Variants in VRK2 observed in about 807,000 individuals in gnomAD.
VRK2 encodes the protein serine/threonine-protein kinase VRK2.
A neutral mutation model predicts 57.6 loss-of-function variants in VRK2; 60 were observed. The observed-to-expected ratio is 1.04, with a 90% CI of 0.85 to 1.29. The LOEUF (loss-of-function observed/expected upper bound fraction) is 1.29, where lower values mean the gene tolerates loss of function less well. Ranked by LOEUF, VRK2 falls within the 50% of genes most tolerant of loss-of-function variation. VRK2 has a pLI of 0.00. For synonymous variants in VRK2, 231 were observed against 199.2 expected (o/e 1.16, Z -1.35); for missense variants, 705 against 588.1 (o/e 1.20, Z -2.06).
At chr2:57,982,706 C>T (rs2104054707) in intron 1 of VRK2, among the ~76,000 whole-genome samples, 1 of 152,272 alleles carries the variant, frequency 6.6e-6, no homozygotes, top group South Asian at 2.1e-4. Flanking sequence ...GAATAGAGGA[C>T]ACTCAGATCA....
At chr2:58,007,180 A>T (rs1673273569) in intron 1 of VRK2, among the ~76,000 whole-genome samples, 1 of 151,618 alleles carries the variant, frequency 6.6e-6, no homozygotes, top group African/African-American at 2.4e-5. Flanking sequence ...CTCCAAAATT[A>T]AATGAACCCA....
intron 1 of VRK2, among the ~76,000 whole-genome samples, chr2:57,943,328 G>C (rs1388969635): frequency 6.6e-6 from 1 of 152,168 alleles, no homozygotes; most frequent in Non-Finnish European, 1.5e-5. Context: ...ATGGCAAATA[G>C]CATACTATAT....
intron 1 of VRK2, among the ~76,000 whole-genome samples, chr2:58,001,247 TA>T (rs1210692437): frequency 6.6e-6 from 1 of 152,236 alleles, no homozygotes. Flanking sequence ...AAAGTGTACC[TA>T]ATCATTCCTC....
chr2:57,979,191 T>C (rs958270042), intron 1 of VRK2, among the ~76,000 whole-genome samples: 12 of 151,102 alleles, frequency 7.9e-5, no homozygotes, highest in Admixed American at 6.6e-4. Context: ...AGTAATGGGA[T>C]TGCTGGGTCA....
At chr2:58,137,156 T>TCA (rs1680376882) in intron 10 of VRK2, among the ~76,000 whole-genome samples, 2 of 24,444 alleles carry the variant, frequency 8.2e-5, no homozygotes, top group African/African-American at 2.5e-4. Context: ...TATCATGTGT[T>TCA]TATATATATC....
intron 10 of VRK2, among the ~76,000 whole-genome samples, chr2:58,137,241 T>G (rs942382879): frequency 7.7e-6 from 1 of 129,680 alleles, no homozygotes; most frequent in Non-Finnish European, 1.6e-5. Context: ...TACATATATA[T>G]CATATATATG....
At position 58,041,042 on chromosome 2, in the gene VRK2, T is replaced by G. The variant is rs916697804; in HGVS notation, c.-6+7489T>G. 6 of 985,160 alleles carry G rather than the reference T, an allele frequency of 6.1e-6. No individual in the cohort carries two copies. In the African/African-American group the frequency reaches 1.0e-4, roughly 17 times the overall value. 61.0% of individuals were successfully genotyped at this position (985,160 alleles called of 1,614,324 possible). ...CCTCTTCTCCTCCTTATCCAGCTCA[T>G]GTTTTTGGTTACTGCAGGGATGTTA... On this transcript the variant is annotated intron_variant, in intron 3 of 15. Transcript: ENST00000417641.
At chr2:57,921,943 C>A (rs990910307) in intron 1 of VRK2, among the ~76,000 whole-genome samples, 1 of 152,104 alleles carries the variant, frequency 6.6e-6, no homozygotes. Flanking sequence ...ATTACTTATA[C>A]AATCCAAATC....
chr2:58,066,051 A>G lies in VRK2; in HGVS notation c.136+17084A>G, dbSNP rs115155457. 4.4e-3 allele frequency among the ~76,000 whole-genome samples: 666 copies of G among 152,296 alleles called. 8 individuals are homozygous for G. The highest frequency in any genetic ancestry group is 0.015 in the African/African-American group (635 of 41,572). Reference sequence around the variant, plus strand: ...GAATTTCCACGTACACAATCACATCATCTGGAGATAGGGACACCTTCCTTT... The same window carrying G: ...GAATTTCCACGTACACAATCACATCGTCTGGAGATAGGGACACCTTCCTTT... On this transcript the variant is annotated intron_variant, in intron 2 of 12. Coordinates refer to ENST00000340157, the MANE Select transcript of VRK2 (RefSeq NM_006296.7).
rs548380984 is a variant in VRK2 at position 57,956,893 on chromosome 2, T to C, written c.-439+49054T>C. On this transcript the variant is annotated intron_variant, in intron 1 of 15. Coordinates refer to the VRK2 transcript ENST00000417641. ...ATCATGGACATTGATATTTCAAATA[T>C]GCAAATGTAGTTTGGGATCTCATTT... 7.0e-4 allele frequency among the ~76,000 whole-genome samples: 107 copies of C among 152,306 alleles called. 1 individual carries two copies. Among genetic ancestry groups the C allele is most frequent in the Non-Finnish European group, 5.3e-4 (36 of 68,010 alleles).
At chr2:58,005,259 T>C (rs1369727385) in intron 1 of VRK2, among the ~76,000 whole-genome samples, 1 of 152,182 alleles carries the variant, frequency 6.6e-6, no homozygotes, top group Non-Finnish European at 1.5e-5. Flanking sequence ...GATATTAACA[T>C]TTAAAATATT....
intron 1 of VRK2, among the ~76,000 whole-genome samples, chr2:57,969,384 A>G (rs1433077992): frequency 6.6e-6 from 1 of 152,046 alleles, no homozygotes; most frequent in African/African-American, 2.4e-5. Flanking sequence ...ATTTAAATGC[A>G]TTTGCCTAAC....
At chr2:57,988,299 C>G (rs760578831) in intron 1 of VRK2, among the ~76,000 whole-genome samples, 10 of 152,030 alleles carry the variant, frequency 6.6e-5, no homozygotes, top group Non-Finnish European at 1.2e-4. Flanking sequence ...ATTTCTACTT[C>G]TTGAGATATT....
rs983270989 is a variant in VRK2, at chr2:58,007,324, G to C, written c.-438-18341G>C. ...AATTGATTCTTTTCTCTGGAAAATC[G>C]TGGCTAACAGAACGAATACAGTTGG... On this transcript the variant is annotated intron_variant, in intron 1 of 15. Transcript: ENST00000417641. Among the ~76,000 whole-genome samples, 3 of 150,384 alleles carry C rather than the reference G, an allele frequency of 2.0e-5. No individual in the cohort carries two copies. In the South Asian group the frequency reaches 6.3e-4, roughly 32 times the overall value.
intron 3 of VRK2, among the ~76,000 whole-genome samples, chr2:58,038,259 G>C (rs1475476674): frequency 4.6e-5 from 7 of 152,074 alleles, no homozygotes; most frequent in Non-Finnish European, 1.0e-4. Context: ...TTTATAATTG[G>C]AGGTTTCCCC....
chr2:58,103,566 G>A (rs1021253451), intron 7 of VRK2, among the ~76,000 whole-genome samples: 20 of 151,732 alleles, frequency 1.3e-4, no homozygotes, highest in Middle Eastern at 3.4e-3. Context: ...ATCCTGAAGA[G>A]ACCAATACGA....
chr2:58,071,251 T>C (rs1426065178), intron 2 of VRK2, among the ~76,000 whole-genome samples: 2 of 152,104 alleles, frequency 1.3e-5, no homozygotes, highest in Admixed American at 6.6e-5. Flanking sequence ...CTGTGATTTA[T>C]CTTATTATTT....
chr2:57,919,177 AAGAT>A (rs1251553264), intron 1 of VRK2, among the ~76,000 whole-genome samples: 4 of 152,144 alleles, frequency 2.6e-5, no homozygotes, highest in East Asian at 1.9e-4. Context: ...AGGGGAAAAA[AAGAT>A]AGCCTAAAAG....
At chr2:58,052,664 A>C (rs1051682438) in intron 2 of VRK2, among the ~76,000 whole-genome samples, 3 of 152,028 alleles carry the variant, frequency 2.0e-5, no homozygotes, top group Non-Finnish European at 4.4e-5. Flanking sequence ...CTCCATTGGA[A>C]GGGTGGATTT....
Sources: allele counts gnomAD v4.1 joint callset (sites outside exome capture counted in the v4.1 genomes callset), GRCh38; gene constraint gnomAD v4.1.1; transcripts MANE v1.5; gene names NCBI Gene and HGNC (gene_info 2026-07-23, HGNC 2026-07-21).